The following CADM2 variants were observed in gnomAD, a reference collection of about 807,000 sequenced individuals.
The protein encoded by CADM2 is immunoglobulin superfamily member 4D.
CADM2 carries 12 observed loss-of-function variants against 49.8 expected under a neutral mutation model. The ratio of observed to expected loss-of-function variants is 0.24; its 90% confidence interval spans 0.15 to 0.39. CADM2 has a LOEUF of 0.39. Ranked by LOEUF, CADM2 falls within the 10% of genes least tolerant of loss-of-function variation. The pLI, the probability that CADM2 is intolerant of heterozygous loss-of-function variation, is 1.00. For missense variants in CADM2, 378 were observed against 492.3 expected (o/e 0.77, Z 2.20); for synonymous variants, 214 against 175.4 (o/e 1.22, Z -1.74).
At chr3:85,272,941 A>G (rs115531021) in intron 1 of CADM2, among the ~76,000 whole-genome samples, 3,059 of 151,324 alleles carry the variant, frequency 0.02, 43 homozygotes, top group Non-Finnish European at 0.031. Flanking sequence ...TTTTCTCATA[A>G]GTGTATAAGT....
At chr3:84,965,873 C>A (rs2030939844) in intron 1 of CADM2, among the ~76,000 whole-genome samples, 1 of 152,094 alleles carries the variant, frequency 6.6e-6, no homozygotes, top group Non-Finnish European at 1.5e-5. Flanking sequence ...TGTGTTATGT[C>A]ACATCAATAG....
intron 1 of CADM2, among the ~76,000 whole-genome samples, chr3:85,384,018 G>A (rs992187849): frequency 1.3e-5 from 2 of 152,066 alleles, no homozygotes; most frequent in Non-Finnish European, 2.9e-5. Context: ...TGAAACTGCT[G>A]GATTAAATAA....
At chr3:85,692,151 A>G (rs1265856984) in intron 1 of CADM2, among the ~76,000 whole-genome samples, 1 of 150,750 alleles carries the variant, frequency 6.6e-6, no homozygotes, top group Non-Finnish European at 1.5e-5. Context: ...AATTAAAAAA[A>G]GAGATACTGC....
At chr3:85,451,385 A>C (rs191036626) in intron 1 of CADM2, among the ~76,000 whole-genome samples, 1 of 152,124 alleles carries the variant, frequency 6.6e-6, no homozygotes, top group African/African-American at 2.4e-5. Context: ...GAATATATTT[A>C]AATGACCTTT....
At chr3:85,804,490 T>C (rs2072275936) in intron 3 of CADM2, among the ~76,000 whole-genome samples, 1 of 152,190 alleles carries the variant, frequency 6.6e-6, no homozygotes, top group African/African-American at 2.4e-5. Flanking sequence ...TTGTTGTTGT[T>C]CATTCATCCC....
chr3:85,832,566 G>A (rs2074230401), intron 3 of CADM2, among the ~76,000 whole-genome samples: 1 of 150,794 alleles, frequency 6.6e-6, no homozygotes, highest in Non-Finnish European at 1.5e-5. Flanking sequence ...TTTTTTCTAG[G>A]TATCATGCAT....
chr3:85,498,760 C>T (rs1262197803), intron 1 of CADM2, among the ~76,000 whole-genome samples: 7 of 151,982 alleles, frequency 4.6e-5, no homozygotes, highest in African/African-American at 7.2e-5. Flanking sequence ...CCGAGGTTCA[C>T]GGGAATTTAA....
In CADM2 at chr3:86,001,017, T is replaced by C. The variant is rs553386633; in HGVS notation, c.970+39370T>C. On this transcript the variant is annotated intron_variant, in intron 8 of 9. Transcript: ENST00000383699. Reference sequence around the variant, plus strand: ...TAATTCTAGTGAATGCTGATAAGGGTTTAGACTACAATGTCAGAATTATAG... The same window carrying C: ...TAATTCTAGTGAATGCTGATAAGGGCTTAGACTACAATGTCAGAATTATAG... Among the ~76,000 whole-genome samples the C allele has an allele frequency of 2.0e-5, 3 of 152,170 alleles. No homozygotes were observed. In the South Asian group the frequency reaches 6.2e-4, roughly 32 times the overall value.
At chr3:85,048,070 A>C (rs180929532) in intron 1 of CADM2, among the ~76,000 whole-genome samples, 48 of 152,252 alleles carry the variant, frequency 3.2e-4, no homozygotes, top group Non-Finnish European at 5.1e-4. Context: ...AAAGCTCCAA[A>C]TACTTTTTTT....
chr3:85,043,236 T>TA (rs1441951230), intron 1 of CADM2, among the ~76,000 whole-genome samples: 5 of 152,074 alleles, frequency 3.3e-5, no homozygotes, highest in African/African-American at 4.8e-5. Flanking sequence ...TATGGCTTGC[T>TA]ACAGGTAGGA....
In CADM2 at chr3:85,550,131, G is replaced by A. The variant is rs528725526; in HGVS notation, c.62-176391G>A. 3.3e-5 allele frequency among the ~76,000 whole-genome samples: 5 copies of A among 152,284 alleles called. No homozygotes were observed. In the South Asian group the frequency reaches 8.3e-4, roughly 25 times the overall value. ...AGTGAGTAGTCCAAGGTCACACACT[G>A]TAATGGTGGAACTAGAATTTGAACT... On this transcript the variant is annotated intron_variant, in intron 1 of 9. Transcript: ENST00000383699.
chr3:85,278,397 CA>C (rs1559755736), intron 1 of CADM2, among the ~76,000 whole-genome samples: 1 of 151,300 alleles, frequency 6.6e-6, no homozygotes, highest in African/African-American at 2.4e-5. Flanking sequence ...TTCTGAAGTA[CA>C]ACTCAGGACG....
intron 1 of CADM2, among the ~76,000 whole-genome samples, chr3:85,198,296 A>G (rs1423295574): frequency 6.6e-6 from 1 of 151,836 alleles, no homozygotes; most frequent in Non-Finnish European, 1.5e-5. Context: ...ATAATTATTC[A>G]TATATAATTT....
At chr3:85,717,835 G>C (rs1002064761) in intron 1 of CADM2, among the ~76,000 whole-genome samples, 1 of 152,010 alleles carries the variant, frequency 6.6e-6, no homozygotes, top group Non-Finnish European at 1.5e-5. Context: ...TGGCACTATC[G>C]TGGCTCACTG....
intron 1 of CADM2, among the ~76,000 whole-genome samples, chr3:85,516,365 A>T (rs540172611): frequency 1.3e-5 from 2 of 152,324 alleles, no homozygotes; most frequent in African/African-American, 4.8e-5. Flanking sequence ...ATTCCACACA[A>T]CAGAATTGAC....
intron 5 of CADM2, among the ~76,000 whole-genome samples, chr3:85,887,199 G>A (rs901421222): frequency 1.3e-5 from 2 of 151,350 alleles, no homozygotes; most frequent in Non-Finnish European, 2.9e-5. Context: ...TGATTTTCCC[G>A]CCTCAGCCTC....
At chr3:85,569,721 A>T (rs1364995464) in intron 1 of CADM2, among the ~76,000 whole-genome samples, 30 of 151,874 alleles carry the variant, frequency 2.0e-4, no homozygotes, top group African/African-American at 6.5e-4. Flanking sequence ...AAAAGAAAAA[A>T]AAAAGAAAAT....
At chr3:85,455,155 A>G (rs2037934032) in intron 1 of CADM2, among the ~76,000 whole-genome samples, 1 of 152,204 alleles carries the variant, frequency 6.6e-6, no homozygotes, top group Non-Finnish European at 1.5e-5. Context: ...AGGATAATCT[A>G]CCTCATTAAA....
chr3:85,999,410 C>G (rs1702746746), intron 8 of CADM2, among the ~76,000 whole-genome samples: 1 of 151,916 alleles, frequency 6.6e-6, no homozygotes, highest in African/African-American at 2.4e-5. Flanking sequence ...GAGGCCAAGA[C>G]ACGAGAATCA....
Sources: allele counts gnomAD v4.1 joint callset (sites outside exome capture counted in the v4.1 genomes callset), GRCh38; gene constraint gnomAD v4.1.1; transcripts MANE v1.5; gene names NCBI Gene and HGNC (gene_info 2026-07-23, HGNC 2026-07-21).